RORB: variants seen among roughly 807,000 people sequenced by gnomAD.
RORB encodes RAR related orphan receptor B.
A neutral mutation model predicts 59.1 loss-of-function variants in RORB; 6 were observed. The observed-to-expected ratio is 0.10, with a 90% CI of 0.06 to 0.20. The LOEUF is 0.20. RORB is among the 10% of genes least tolerant of loss of function. The pLI is 1.00. For missense variants in RORB, 320 were observed against 560.5 expected (o/e 0.57, Z 4.33); for synonymous variants, 215 against 204.5 (o/e 1.05, Z -0.44).
chr9:74,671,740 CA>C (rs1563970536), intron 8 of RORB, 48 bp from the exon 9 acceptor site: 1 of 1,202,766 alleles, frequency 8.3e-7, no homozygotes, highest in South Asian at 1.3e-5. Flanking sequence ...GTGGGTGAAG[CA>C]AAACAAAGTT....
chr9:74,509,629 C>T (rs1423073065), intron 1 of RORB, among the ~76,000 whole-genome samples: 1 of 152,050 alleles, frequency 6.6e-6, no homozygotes, highest in Admixed American at 6.6e-5. Flanking sequence ...CAGCTATAAG[C>T]ATTTCAATGA....
intron 1 of RORB, among the ~76,000 whole-genome samples, chr9:74,610,470 A>C (rs1455232058): frequency 6.6e-6 from 1 of 152,234 alleles, no homozygotes; most frequent in Non-Finnish European, 1.5e-5. Context: ...TTATGTGCCC[A>C]GGGCTGGACT....
At chr9:74,560,539 CAGA>C (rs66521613) in intron 1 of RORB, among the ~76,000 whole-genome samples, 61,347 of 151,538 alleles carry the variant, frequency 0.4, 13,554 homozygotes, top group East Asian at 0.77. Flanking sequence ...CATATATTCT[CAGA>C]AGTTTTTAGA....
intron 9 of RORB, among the ~76,000 whole-genome samples, chr9:74,681,153 C>T (rs1051252623): frequency 1.3e-5 from 2 of 152,084 alleles, no homozygotes; most frequent in African/African-American, 2.4e-5. Flanking sequence ...AATTGACTAC[C>T]CCCTCCATCT....
intron 9 of RORB, among the ~76,000 whole-genome samples, chr9:74,674,838 A>G (rs780402006): frequency 2.6e-5 from 4 of 152,228 alleles, no homozygotes; most frequent in African/African-American, 4.8e-5. Flanking sequence ...ATAATAAACC[A>G]TCAAAGCCAC....
Position 74,579,887 on chromosome 9 carries a change from C to T in RORB, c.8-50395C>T, listed in dbSNP as rs190629603. ...TTTTACAGTAGTTCCCTCTTATCCA[C>T]GGTTTCGCCTTCAGCAATTTCAATT... is the stretch of plus-strand genomic sequence containing the variant. On this transcript the variant is annotated intron_variant, in intron 1 of 9. Coordinates refer to ENST00000376896, the MANE Select transcript of RORB (RefSeq NM_006914.4). Among the ~76,000 whole-genome samples, 293 of 152,224 alleles carry T rather than the reference C, an allele frequency of 1.9e-3. 1 individual carries two copies. Among genetic ancestry groups the T allele is most frequent in the African/African-American group, 6.5e-3 (269 of 41,544 alleles).
rs1824723202 is a variant in RORB at position 74,690,464 on chromosome 9, A to G, written c.*4846A>G. The G allele has an allele frequency of 6.6e-6, 1 of 152,206 alleles. No homozygotes were observed. Among genetic ancestry groups the G allele is most frequent in the Non-Finnish European group, 1.5e-5 (1 of 68,044 alleles). 9.4% of individuals were successfully genotyped at this position (152,206 alleles called of 1,614,324 possible). A position where few individuals can be genotyped will look rare whatever the true frequency, so the allele number is the denominator to read the frequency against. ...AAACTGAATGCTGCTAGAGCTTCTGAATTTTATAAAATCTCTGAAATTATA... is the reference window on the plus strand; with the variant it reads ...AAACTGAATGCTGCTAGAGCTTCTGGATTTTATAAAATCTCTGAAATTATA... On this transcript the variant is annotated 3_prime_UTR_variant, in exon 10 of 10. Coordinates refer to ENST00000376896, the MANE Select transcript of RORB (RefSeq NM_006914.4).
At position 74,510,379 on chromosome 9, in the gene RORB, T is replaced by C. The variant is rs552141517; in HGVS notation, c.7+12396T>C. On this transcript the variant is annotated intron_variant, in intron 1 of 9. Transcript: ENST00000376896. Reference sequence around the variant, plus strand: ...TTCTTTGCTTGCTCCATTTTAGATATAGTGGTATGTTTCTTCATATTCACT... The same window carrying C: ...TTCTTTGCTTGCTCCATTTTAGATACAGTGGTATGTTTCTTCATATTCACT... Among the ~76,000 whole-genome samples, 4 of 152,288 alleles carry C rather than the reference T, an allele frequency of 2.6e-5. No individual in the cohort carries two copies. In the East Asian group the frequency reaches 5.8e-4, roughly 22 times the overall value.
intron 1 of RORB, 85 bp downstream of exon 1, chr9:74,498,068 C>A: frequency 1.3e-6 from 2 of 1,491,208 alleles, no homozygotes; most frequent in East Asian, 2.3e-5. Flanking sequence ...GGGCACCCAG[C>A]AGAAAGGGAA....
At chr9:74,539,602 C>T (rs1247933754) in intron 1 of RORB, among the ~76,000 whole-genome samples, 3 of 151,930 alleles carry the variant, frequency 2.0e-5, no homozygotes, top group Non-Finnish European at 2.9e-5. Flanking sequence ...CCTCATAGAG[C>T]GTTTTGTTCA....
At chr9:74,656,127 C>T (rs1269054742) in intron 4 of RORB, among the ~76,000 whole-genome samples, 1 of 152,126 alleles carries the variant, frequency 6.6e-6, no homozygotes, top group East Asian at 1.9e-4. Flanking sequence ...TCTTATAAAT[C>T]CTTTGAGAAA....
In RORB at chr9:74,676,598, C is replaced by A. The variant is rs965789429; in HGVS notation, c.1224+4697C>A. Among the ~76,000 whole-genome samples the A allele has an allele frequency of 2.0e-5, 3 of 152,232 alleles. No individual in the cohort carries two copies. In the East Asian group the frequency reaches 5.8e-4, roughly 29 times the overall value. ...AGCTTTCCAGGAATCATGGGCCACA[C>A]CACACCTCTGGGTGGTTTTAGGCCC... On this transcript the variant is annotated intron_variant, in intron 9 of 9. Transcript: ENST00000376896.
chr9:74,679,565 C>G (rs1282715586), intron 9 of RORB, among the ~76,000 whole-genome samples: 2 of 152,064 alleles, frequency 1.3e-5, no homozygotes, highest in Non-Finnish European at 2.9e-5. Context: ...CTGCTTGAAC[C>G]TGCATTTATT....
chr9:74,523,368 T>C (rs1262311991), intron 1 of RORB, among the ~76,000 whole-genome samples: 1 of 151,860 alleles, frequency 6.6e-6, no homozygotes, highest in Non-Finnish European at 1.5e-5. Flanking sequence ...CTCTCTTCAA[T>C]CTGCCCATTT....
In RORB at chr9:74,497,880, C is replaced by A; in HGVS notation, c.-97C>A. The A allele has an allele frequency of 6.8e-7, 1 of 1,467,030 alleles. No homozygotes were observed. Among genetic ancestry groups the A allele is most frequent in the Non-Finnish European group, 9.4e-7 (1 of 1,063,772 alleles). The allele number at this position is 1,467,030 out of a possible 1,614,324, so 90.9% of individuals were successfully genotyped here. A position where few individuals can be genotyped will look rare whatever the true frequency, so the allele number is the denominator to read the frequency against. On this transcript the variant is annotated 5_prime_UTR_variant, in exon 1 of 10. Coordinates refer to ENST00000376896, the MANE Select transcript of RORB (RefSeq NM_006914.4). ...CTCGGCAGAGCAGCTCTTCGCCGAC[C>A]ACCTTCTTCACTCGTGCTGAGCGGG... is the stretch of plus-strand genomic sequence containing the variant.
intron 4 of RORB, among the ~76,000 whole-genome samples, chr9:74,648,887 T>C (rs1404203306): frequency 6.6e-6 from 1 of 152,024 alleles, no homozygotes; most frequent in East Asian, 1.9e-4. Context: ...AACGCACCTG[T>C]CCTCCCTAGT....
chr9:74,544,493 A>C (rs1428489093), intron 1 of RORB, among the ~76,000 whole-genome samples: 3 of 152,224 alleles, frequency 2.0e-5, no homozygotes, highest in Non-Finnish European at 4.4e-5. Flanking sequence ...CTGAGGCTGC[A>C]GGCCTGATAC....
At chr9:74,524,195 G>C (rs1286607250) in intron 1 of RORB, among the ~76,000 whole-genome samples, 1 of 151,688 alleles carries the variant, frequency 6.6e-6, no homozygotes, top group Admixed American at 6.6e-5. Flanking sequence ...CAGGAGAGGA[G>C]ACTTAGTTTG....
At position 74,689,642 on chromosome 9, in the gene RORB, G is replaced by T. The variant is rs1824708701; in HGVS notation, c.*4024G>T. On this transcript the variant is annotated 3_prime_UTR_variant, in exon 10 of 10. Transcript: ENST00000376896. ...GAATATTAACAAGAGGTGCCAGGGA[G>T]GTGTCAGTACATTTCCTATCATAGC... 6.6e-6 allele frequency: 1 copy of T among 152,184 alleles called. No homozygotes were observed. Among genetic ancestry groups the T allele is most frequent in the Non-Finnish European group, 1.5e-5 (1 of 68,046 alleles). The allele number at this position is 152,184 out of a possible 1,614,324, so 9.4% of individuals were successfully genotyped here.
Sources: gnomAD v4.1 joint callset for allele counts (sites outside exome capture counted in the v4.1 genomes callset) on GRCh38, gnomAD v4.1.1 for gene constraint, MANE v1.5 for transcripts, NCBI Gene and HGNC (gene_info 2026-07-23, HGNC 2026-07-21) for gene names.